The following PATJ variants were observed in gnomAD, a reference collection of about 807,000 sequenced individuals.
The protein encoded by PATJ is PATJ crumbs cell polarity complex component, also known as inaD-like protein.
In PATJ, 190 loss-of-function variants were observed where a neutral mutation model predicts 224.9. That is an observed-to-expected ratio of 0.84 (90% CI 0.75 to 0.95). The LOEUF (loss-of-function observed/expected upper bound fraction) is 0.95. Ranked by LOEUF, PATJ falls within the 40% of genes least tolerant of loss-of-function variation. The pLI, the probability that PATJ is intolerant of heterozygous loss-of-function variation, is 0.00. For missense variants in PATJ, 2,121 were observed against 2,270.3 expected (o/e 0.93, Z 1.34); for synonymous variants, 769 against 820.3 (o/e 0.94, Z 1.07).
chr1:61,785,167 C>G (rs1022753553), intron 7 of PATJ, among the ~76,000 whole-genome samples: 4 of 152,146 alleles, frequency 2.6e-5, no homozygotes, highest in African/African-American at 9.7e-5. Flanking sequence ...CCACCTGGAA[C>G]TAGGAATTTG....
chr1:62,152,043 TTC>T (rs1668685902), intron 42 of PATJ, among the ~76,000 whole-genome samples: 1 of 150,434 alleles, frequency 6.6e-6, no homozygotes, highest in Admixed American at 6.8e-5. Flanking sequence ...TCACCTTGGT[TTC>T]TCTCTTCTCT....
At chr1:62,154,288 C>G (rs2476201) in intron 43 of PATJ, among the ~76,000 whole-genome samples, 1 of 151,888 alleles carries the variant, frequency 6.6e-6, no homozygotes, top group African/African-American at 2.4e-5. Context: ...CAAATTGATA[C>G]TACAGTTTTT....
chr1:61,789,260 T>C (rs1177420331), intron 8 of PATJ, among the ~76,000 whole-genome samples: 1 of 151,506 alleles, frequency 6.6e-6, no homozygotes, highest in Non-Finnish European at 1.5e-5. Flanking sequence ...GAGCTGAGAT[T>C]GCACCACTGC....
At chr1:62,156,356 C>CCTAT (rs1348064881) in intron 43 of PATJ, among the ~76,000 whole-genome samples, 1 of 151,568 alleles carries the variant, frequency 6.6e-6, no homozygotes, top group Non-Finnish European at 1.5e-5. Context: ...ATGGTGAAAC[C>CCTAT]CTATCTCTAC....
At chr1:61,807,800 A>C (rs568256490) in intron 13 of PATJ, among the ~76,000 whole-genome samples, 2 of 152,358 alleles carry the variant, frequency 1.3e-5, no homozygotes, top group African/African-American at 4.8e-5. Flanking sequence ...TTCCCGCCAG[A>C]TGCATCATAT....
chr1:61,870,389 G>A (rs1666150638), intron 20 of PATJ, among the ~76,000 whole-genome samples: 1 of 152,114 alleles, frequency 6.6e-6, no homozygotes, highest in South Asian at 2.1e-4. Context: ...TCTTCTCTCT[G>A]CCAGCTGAGT....
At chr1:61,945,669 T>C (rs1486127403) in intron 27 of PATJ, among the ~76,000 whole-genome samples, 3 of 151,480 alleles carry the variant, frequency 2.0e-5, no homozygotes, top group African/African-American at 4.8e-5. Flanking sequence ...AGACAGAAAG[T>C]TAACAAGGAT....
chr1:61,995,238 C>T (rs1440690439), intron 28 of PATJ, among the ~76,000 whole-genome samples: 1 of 152,066 alleles, frequency 6.6e-6, no homozygotes, highest in Non-Finnish European at 1.5e-5. Flanking sequence ...TTGCTTTACC[C>T]CCTGACACTG....
intron 20 of PATJ, among the ~76,000 whole-genome samples, chr1:61,870,526 C>G (rs920291379): frequency 6.6e-6 from 1 of 152,126 alleles, no homozygotes; most frequent in Non-Finnish European, 1.5e-5. Context: ...TTGTCAGGGA[C>G]CTGCCCTTAA....
intron 4 of PATJ, among the ~76,000 whole-genome samples, chr1:61,768,665 T>C (rs1646431294): frequency 6.6e-6 from 1 of 151,884 alleles, no homozygotes; most frequent in South Asian, 2.1e-4. Flanking sequence ...TTTGGGAGGC[T>C]GAGGCGGGTG....
intron 28 of PATJ, among the ~76,000 whole-genome samples, chr1:62,004,203 T>G (rs28421619): frequency 6.6e-6 from 1 of 151,908 alleles, no homozygotes; most frequent in African/African-American, 2.4e-5. Flanking sequence ...GGGCGGCAAC[T>G]GTATCTGACT....
chr1:61,995,137 A>G (rs1348852342), intron 28 of PATJ, among the ~76,000 whole-genome samples: 1 of 152,156 alleles, frequency 6.6e-6, no homozygotes, highest in Non-Finnish European at 1.5e-5. Flanking sequence ...AGTGTAGTAG[A>G]TTGTAGAAGT....
chr1:62,001,410 C>G (rs1439455847), intron 28 of PATJ, among the ~76,000 whole-genome samples: 1 of 148,102 alleles, frequency 6.8e-6, no homozygotes, highest in Non-Finnish European at 1.5e-5. Context: ...CTACATATGG[C>G]TAGCCAGTTT....
rs1662807923 is a variant in PATJ at position 62,105,550 on chromosome 1, T to C, written c.4378-2887T>C. Among the ~76,000 whole-genome samples the C allele has an allele frequency of 1.3e-5, 2 of 152,134 alleles. 1 individual carries two copies. Among genetic ancestry groups the C allele is most frequent in the South Asian group, 4.2e-4 (2 of 4,816 alleles). ...CACCGCAAGCCACTGACCCCGCAAGTTTCCTCCAAATCATTCCCCTGAAAC... is the reference window on the plus strand; with the variant it reads ...CACCGCAAGCCACTGACCCCGCAAGCTTCCTCCAAATCATTCCCCTGAAAC... On this transcript the variant is annotated intron_variant, in intron 33 of 43. Coordinates refer to ENST00000642238, the MANE Select transcript of PATJ (RefSeq NM_001350145.3).
At chr1:61,831,187 CAAAAAA>C (rs545292546) in intron 16 of PATJ, among the ~76,000 whole-genome samples, 1 of 65,284 alleles carries the variant, frequency 1.5e-5, no homozygotes, top group Admixed American at 1.8e-4. Flanking sequence ...GACTCTGTCT[CAAAAAA>C]AAAAAAAAAA....
At chr1:61,852,803 CAGT>C (rs1663047682) in intron 17 of PATJ, among the ~76,000 whole-genome samples, 1 of 152,090 alleles carries the variant, frequency 6.6e-6, no homozygotes, top group Non-Finnish European at 1.5e-5. Context: ...GCAGCCACCT[CAGT>C]AGGCAGTAGC....
chr1:61,745,494 G>A (rs1052914628), intron 1 of PATJ, among the ~76,000 whole-genome samples: 3 of 152,090 alleles, frequency 2.0e-5, no homozygotes, highest in African/African-American at 2.4e-5. Flanking sequence ...GGCTGGTCTC[G>A]AACTCCTGAC....
chr1:61,768,386 C>T (rs926434259), intron 4 of PATJ, among the ~76,000 whole-genome samples: 2 of 151,788 alleles, frequency 1.3e-5, no homozygotes, highest in Non-Finnish European at 2.9e-5. Context: ...AGGAGAATGG[C>T]GTGAACCCAG....
At chr1:61,765,338 A>C in intron 3 of PATJ, among the ~76,000 whole-genome samples, 1 of 150,430 alleles carries the variant, frequency 6.6e-6, no homozygotes, top group Non-Finnish European at 1.5e-5. Flanking sequence ...TGATCTCCCA[A>C]AGTGCTGGGA....
Sources: gnomAD v4.1 joint callset for allele counts (sites outside exome capture counted in the v4.1 genomes callset) on GRCh38, gnomAD v4.1.1 for gene constraint, MANE v1.5 for transcripts, NCBI Gene and HGNC (gene_info 2026-07-23, HGNC 2026-07-21) for gene names.